The following SRPX variants were observed in gnomAD, a reference collection of about 807,000 sequenced individuals.
SRPX encodes the protein sushi repeat-containing protein SRPX.
A neutral mutation model predicts 38.1 loss-of-function variants in SRPX; 24 were observed. The ratio of observed to expected loss-of-function variants is 0.63; its 90% CI spans 0.46 to 0.89. SRPX has a LOEUF of 0.89. Among genes scored for constraint, SRPX ranks in the 40% least tolerant of loss-of-function variants. The probability of loss-of-function intolerance (pLI) is 0.00; values close to 1 mark genes in which losing one functional copy is unlikely to be tolerated. For missense variants in SRPX, 416 were observed against 377.8 expected, an observed-to-expected ratio of 1.10 and a Z score of -0.84; for synonymous variants, 184 against 153.8, an observed-to-expected ratio of 1.20 and a Z score of -1.45.
chrX:38,220,759 G>C lies in SRPX; in HGVS notation c.34C>G (p.Leu12Val), dbSNP rs964952417. ...AGCAGCAGCAGAGGCGGCAGCAGCAGCAGCAGCGCGGGCCGATGTGCGGGG... is the reference window on the plus strand; with the variant it reads ...AGCAGCAGCAGAGGCGGCAGCAGCACCAGCAGCGCGGGCCGATGTGCGGGG... ...GSPAHRPALL[L>V]LLPPLLLLLL... The change falls in exon 1 of 10, where the codon CTG becomes GTG. Residue 12 changes from leucine (L) to valine (V), a missense_variant. Leu to Val is a conservative substitution (Grantham distance 32, BLOSUM62 1). Coordinates refer to ENST00000378533, the MANE Select transcript of SRPX (RefSeq NM_006307.5). 2 of 1,143,200 alleles carry C rather than the reference G, an allele frequency of 1.7e-6. No homozygotes were observed. Among genetic ancestry groups the C allele is most frequent in the African/African-American group, 3.7e-5 (2 of 54,703 alleles). 94.2% of individuals were successfully genotyped at this position (1,143,200 alleles called of 1,213,427 possible).
chrX:38,169,397 C>T (rs899217732), intron 4 of SRPX, among the ~76,000 whole-genome samples: 1 of 111,955 alleles, frequency 8.9e-6, no homozygotes, highest in Non-Finnish European at 1.9e-5. Context: ...ACACAAGAAA[C>T]GTATGCCATC....
intron 1 of SRPX, among the ~76,000 whole-genome samples, chrX:38,188,419 C>T (rs1207620848): frequency 8.9e-6 from 1 of 111,732 alleles, no homozygotes; most frequent in Non-Finnish European, 1.9e-5. Context: ...AACTGTTGAC[C>T]CCATTTAGTA....
intron 9 of SRPX, among the ~76,000 whole-genome samples, chrX:38,151,536 C>T (rs1464393174): frequency 1.8e-5 from 2 of 111,175 alleles, no homozygotes; most frequent in African/African-American, 6.6e-5. Context: ...CACCACGGTG[C>T]CACCATCTGC....
intron 1 of SRPX, among the ~76,000 whole-genome samples, chrX:38,220,440 G>T (rs73632468): frequency 0.15 from 16,481 of 113,358 alleles, 1,592 homozygotes; most frequent in African/African-American, 0.34. Flanking sequence ...CTGGAAGCCC[G>T]GACGCAGAAG....
intron 1 of SRPX, among the ~76,000 whole-genome samples, chrX:38,217,449 A>G (rs1939438492): frequency 9.0e-6 from 1 of 111,360 alleles, no homozygotes; most frequent in Non-Finnish European, 1.9e-5. Context: ...ATCTGCCAAG[A>G]AGGAAAATGT....
chrX:38,176,463 C>T (rs1305037283), intron 2 of SRPX, among the ~76,000 whole-genome samples: 2 of 112,026 alleles, frequency 1.8e-5, no homozygotes, highest in Admixed American at 1.9e-4. Flanking sequence ...AAAACTAAAC[C>T]CTCACTTAAT....
At position 38,160,648 on chromosome X, in the gene SRPX, A is replaced by G. The variant is rs751493384; in HGVS notation, c.775+285T>C. Among the ~76,000 whole-genome samples the G allele has an allele frequency of 9.8e-5, 11 of 111,838 alleles. No individual in the cohort carries two copies. The South Asian group carries it at 4.2e-3, about 43-fold the overall frequency. Reference sequence around the variant, plus strand: ...GCTGGCCACCTAAGCTCAGGGATGGAAAAATTATTGAATAATATTCTTCTA... The same window carrying G: ...GCTGGCCACCTAAGCTCAGGGATGGGAAAATTATTGAATAATATTCTTCTA... On this transcript the variant is annotated intron_variant, in intron 6 of 9. Coordinates refer to ENST00000378533, the MANE Select transcript of SRPX (RefSeq NM_006307.5).
chrX:38,214,969 G>GTAC (rs993262077), intron 1 of SRPX, among the ~76,000 whole-genome samples: 2 of 111,938 alleles, frequency 1.8e-5, no homozygotes, highest in African/African-American at 6.5e-5. Flanking sequence ...TTCTCATTAA[G>GTAC]TACTACTGGA....
chrX:38,213,892 A>G lies in SRPX; in HGVS notation c.97+6804T>C, dbSNP rs1054643180. 2.7e-5 allele frequency among the ~76,000 whole-genome samples: 3 copies of G among 111,655 alleles called. No individual in the cohort carries two copies. In the Admixed American group the frequency reaches 2.8e-4, roughly 11 times the overall value. On this transcript the variant is annotated intron_variant, in intron 1 of 9. Transcript: ENST00000378533. ...GGTAACTTACTATTGCAAAAATAAC[A>G]CCAAAGGGGATGGTGCTAAACCATT...
intron 8 of SRPX, among the ~76,000 whole-genome samples, chrX:38,155,715 A>G (rs922125486): frequency 2.4e-4 from 27 of 112,542 alleles, no homozygotes; most frequent in African/African-American, 7.8e-4. Flanking sequence ...TCATTTTCCT[A>G]TGGAATAAGA....
intron 7 of SRPX, 99 bp downstream of exon 7, chrX:38,159,918 A>G: frequency 1.0e-6 from 1 of 960,073 alleles, no homozygotes; most frequent in Non-Finnish European, 1.4e-6. Context: ...GATGGCCATG[A>G]ACTTCTCAAA....
At chrX:38,203,888 G>A (rs1408624512) in intron 1 of SRPX, among the ~76,000 whole-genome samples, 1 of 112,327 alleles carries the variant, frequency 8.9e-6, no homozygotes, top group Non-Finnish European at 1.9e-5. Context: ...AACACTTGAG[G>A]TTAGCAATAT....
At chrX:38,214,129 A>G (rs1170405609) in intron 1 of SRPX, among the ~76,000 whole-genome samples, 2 of 111,777 alleles carry the variant, frequency 1.8e-5, no homozygotes. Flanking sequence ...ATGCATGCCT[A>G]TGAAGTGAAA....
chrX:38,220,058 T>C (rs1427929520), intron 1 of SRPX, among the ~76,000 whole-genome samples: 1 of 113,338 alleles, frequency 8.8e-6, no homozygotes, highest in Non-Finnish European at 1.9e-5. Flanking sequence ...CAGCAGATCC[T>C]TGCGCGAGTA....
At chrX:38,180,673 T>A (rs1023456017) in intron 1 of SRPX, among the ~76,000 whole-genome samples, 2 of 112,348 alleles carry the variant, frequency 1.8e-5, no homozygotes, top group African/African-American at 6.5e-5. Flanking sequence ...CTCTGCCACA[T>A]GGAAAATCTC....
intron 8 of SRPX, among the ~76,000 whole-genome samples, chrX:38,155,611 T>C (rs1938119029): frequency 1.8e-5 from 2 of 112,456 alleles, no homozygotes; most frequent in Non-Finnish European, 1.9e-5. Context: ...AATGAATTAG[T>C]GTGGCTGTGT....
intron 1 of SRPX, among the ~76,000 whole-genome samples, chrX:38,191,627 A>T (rs1938907142): frequency 9.0e-6 from 1 of 111,374 alleles, no homozygotes; most frequent in Non-Finnish European, 1.9e-5. Flanking sequence ...CCCTGAACCC[A>T]AGATGAGCTC....
intron 4 of SRPX, among the ~76,000 whole-genome samples, chrX:38,169,946 T>A (rs903410325): frequency 2.7e-5 from 3 of 112,434 alleles, no homozygotes; most frequent in Non-Finnish European, 3.8e-5. Flanking sequence ...TTCTTCCAGA[T>A]CAATGGAGGT....
chrX:38,171,953 T>A lies in SRPX; in HGVS notation c.454A>T (p.Thr152Ser). 8.3e-7 allele frequency: 1 copy of A among 1,211,642 alleles called. No homozygotes were observed. The highest frequency in any genetic ancestry group is 1.1e-6 in the Non-Finnish European group (1 of 895,433). The change falls in exon 4 of 10, where the codon ACG becomes TCG. Residue 152 changes from threonine (T) to serine (S), a missense_variant. Coordinates refer to ENST00000378533, the MANE Select transcript of SRPX (RefSeq NM_006307.5). Reference protein sequence around the residue: ...RCEYYCSPGYTLKGERTVTCM... With the variant: ...RCEYYCSPGYSLKGERTVTCM... ...GTGACGGTCCGCTCCCCTTTCAACG[T>A]GTATCCTGGTGAACAATAATACTCA...
Sources: allele counts gnomAD v4.1 joint callset (sites outside exome capture counted in the v4.1 genomes callset), GRCh38; gene constraint gnomAD v4.1.1; transcripts MANE v1.5; gene names NCBI Gene and HGNC (gene_info 2026-07-23, HGNC 2026-07-21).